The following ANKRD11 variants were observed in gnomAD, a reference collection of about 807,000 sequenced individuals.
The protein encoded by ANKRD11 is ankyrin repeat domain-containing protein 11.
Under a neutral mutation model 195.7 loss-of-function variants are expected in ANKRD11, and 17 were observed. That is an observed-to-expected ratio of 0.09 (90% confidence interval 0.06 to 0.13). The LOEUF (loss-of-function observed/expected upper bound fraction) is 0.13, where lower values mean the gene tolerates loss of function less well. Ranked by LOEUF, ANKRD11 falls within the 10% of genes least tolerant of loss-of-function variation. The pLI is 1.00. For missense variants in ANKRD11, 3,735 were observed against 3,566.1 expected (o/e 1.05, Z -1.21); for synonymous variants, 1,953 against 1,528.1 (o/e 1.28, Z -6.49).
chr16:89,401,711 C>T (rs928773952), intron 2 of ANKRD11, among the ~76,000 whole-genome samples: 1 of 152,102 alleles, frequency 6.6e-6, no homozygotes, highest in East Asian at 1.9e-4. Context: ...CAGGTGAGAT[C>T]GCTAGGGTGG....
At chr16:89,474,883 T>G (rs929060842) in intron 1 of ANKRD11, among the ~76,000 whole-genome samples, 2 of 152,248 alleles carry the variant, frequency 1.3e-5, no homozygotes, top group African/African-American at 4.8e-5. Context: ...AAAATGTAAG[T>G]TAAATCTTCA....
chr16:89,286,220 T>C (rs928615489), intron 7 of ANKRD11, 34 bp from the exon 8 acceptor site: 14 of 1,608,566 alleles, frequency 8.7e-6, no homozygotes, highest in Non-Finnish European at 8.5e-6. Flanking sequence ...CAGGGACTGC[T>C]GGAGAAGCAC....
intron 2 of ANKRD11, among the ~76,000 whole-genome samples, chr16:89,339,455 G>A (rs2038549622): frequency 6.6e-6 from 1 of 152,302 alleles, no homozygotes; most frequent in East Asian, 1.9e-4. Context: ...ATGGTCCGAG[G>A]AGCCCATCCT....
intron 4 of ANKRD11, among the ~76,000 whole-genome samples, chr16:89,294,901 G>A (rs1053369659): frequency 9.2e-5 from 14 of 152,222 alleles, no homozygotes; most frequent in African/African-American, 2.2e-4. Context: ...CAGGAGGCGC[G>A]GGGTGTTGTC....
intron 1 of ANKRD11, chr16:89,488,935 T>C (rs1597575117): frequency 6.6e-6 from 1 of 152,286 alleles, no homozygotes; most frequent in Middle Eastern, 3.4e-3. Context: ...CTAAGCATGT[T>C]ACATAGAAGG....
chr16:89,300,345 C>G (rs1448905041), intron 4 of ANKRD11: 1 of 206,026 alleles, frequency 4.9e-6, no homozygotes, highest in African/African-American at 2.4e-5. Context: ...GCCTTGGGAC[C>G]CTCGTCAACA....
intron 4 of ANKRD11, among the ~76,000 whole-genome samples, chr16:89,293,287 T>A (rs957877513): frequency 3.3e-5 from 5 of 152,054 alleles, no homozygotes; most frequent in Non-Finnish European, 7.4e-5. Flanking sequence ...AGGAGACTCC[T>A]GGGAGCAGAC....
At chr16:89,366,129 CAAAAAAAAAA>C (rs71387689) in intron 2 of ANKRD11, among the ~76,000 whole-genome samples, 5 of 60,456 alleles carry the variant, frequency 8.3e-5, no homozygotes, top group African/African-American at 3.1e-4. Context: ...GACTCCATCT[CAAAAAAAAAA>C]AAAAAAAAAA....
chr16:89,283,059 G>A lies in ANKRD11; in HGVS notation c.3483C>T (p.Ser1161=), dbSNP rs150642594. ...EKEEGREAYA[S]DRHRKSSDKQ... ...TGTCAGAAGACTTCCTGTGTCTGTC[G>A]GAGGCATAGGCCTCCCGTCCTTCCT... Residue 1161 remains serine (S), a synonymous_variant, in exon 9 of 13, where the codon TCC becomes TCT. Coordinates refer to ENST00000301030, the MANE Select transcript of ANKRD11 (RefSeq NM_013275.6). The surrounding 1 kb of genome is among the most constrained non-coding windows in gnomAD (Gnocchi z 4.3). The A allele has an allele frequency of 6.3e-4, 1,017 of 1,613,750 alleles. 3 individuals are homozygous for A. The African/African-American group carries it at 0.012, about 19-fold the overall frequency.
Position 89,285,225 on chromosome 16 carries a change from T to C in ANKRD11, c.1317A>G (p.Thr439=). ...GCTGCTTGGCATTAGAAGGCTCTCG[T>C]GTCTTACTACCAGGCAATATCGTAT... ...SAHTILPGSK[T]REPSNAKQQK... is the part of the protein sequence containing the mutation. Residue 439 remains threonine (T), a synonymous_variant, in exon 9 of 13, where the codon ACA becomes ACG. Transcript: ENST00000301030. The surrounding 1 kb of genome is among the most constrained non-coding windows in gnomAD (Gnocchi z 5.6). 6.2e-7 allele frequency: 1 copy of C among 1,613,876 alleles called. No individual in the cohort carries two copies. Among genetic ancestry groups the C allele is most frequent in the Non-Finnish European group, 8.5e-7 (1 of 1,180,040 alleles).
At chr16:89,369,937 C>CG (rs1023942796) in intron 2 of ANKRD11, among the ~76,000 whole-genome samples, 5 of 152,178 alleles carry the variant, frequency 3.3e-5, no homozygotes, top group East Asian at 1.9e-4. Flanking sequence ...AAACCAAACA[C>CG]GGGGGGCCCA....
At chr16:89,382,756 A>C (rs1053922426) in intron 2 of ANKRD11, among the ~76,000 whole-genome samples, 2 of 152,244 alleles carry the variant, frequency 1.3e-5, no homozygotes, top group African/African-American at 4.8e-5. Context: ...CTGAGATTAT[A>C]GGTGTGAGTC....
intron 2 of ANKRD11, among the ~76,000 whole-genome samples, chr16:89,415,821 C>T (rs1326679680): frequency 4.3e-5 from 2 of 46,128 alleles, no homozygotes; most frequent in African/African-American, 8.4e-5. Context: ...CAAAGCTAGA[C>T]TCTGTCTCAA....
In ANKRD11 at chr16:89,484,055, G is replaced by A. The variant is rs570532866; in HGVS notation, c.-145+6190C>T. On this transcript the variant is annotated intron_variant, in intron 1 of 12. Coordinates refer to ENST00000301030, the MANE Select transcript of ANKRD11 (RefSeq NM_013275.6). ...TGGAATACTAACACTACAAGCTCTC[G>A]AGACGCTCTTCGGCTGCCTGAAAGC... 3.9e-5 allele frequency among the ~76,000 whole-genome samples: 6 copies of A among 152,182 alleles called. No individual in the cohort carries two copies. In the East Asian group the frequency reaches 5.8e-4, roughly 15 times the overall value.
chr16:89,295,985 C>CTGTTTTTTTTT (rs2035405652), intron 4 of ANKRD11, among the ~76,000 whole-genome samples: 1 of 45,142 alleles, frequency 2.2e-5, no homozygotes, highest in Admixed American at 3.4e-4. Flanking sequence ...ATCTGGCTGC[C>CTGTTTTTTTTT]TTTTTTTTTT....
intron 2 of ANKRD11, among the ~76,000 whole-genome samples, chr16:89,363,007 T>C (rs2911247): frequency 0.012 from 1,724 of 148,444 alleles, 51 homozygotes; most frequent in African/African-American, 0.044. Context: ...TGGTCTCCTT[T>C]ATCCGGTGTA....
intron 2 of ANKRD11, among the ~76,000 whole-genome samples, chr16:89,385,511 C>T (rs537944578): frequency 6.6e-6 from 1 of 152,126 alleles, no homozygotes; most frequent in Non-Finnish European, 1.5e-5. Context: ...CCAGAGACAC[C>T]GAGACCCTGT....
intron 1 of ANKRD11, among the ~76,000 whole-genome samples, chr16:89,466,498 A>T (rs1394724018): frequency 2.0e-5 from 3 of 152,166 alleles, no homozygotes; most frequent in Admixed American, 1.3e-4. Context: ...TGTGAACCAG[A>T]TCTCGTTCAT....
Position 89,451,410 on chromosome 16 carries a change from AC to A in ANKRD11, c.-144-33043del, listed in dbSNP as rs1249813699. The stretch of plus-strand genomic sequence containing the variant: ...GATTATGGTGATGATTTCACAAATT[AC>A]TTTTTTTTTTTTTTTTTTGAGACGA... On this transcript the variant is annotated intron_variant, in intron 1 of 12. Transcript: ENST00000301030. 3.5e-5 allele frequency among the ~76,000 whole-genome samples: 3 copies of A among 86,500 alleles called. No individual in the cohort carries two copies. In the Admixed American group the frequency reaches 3.7e-4, roughly 11 times the overall value. 56.7% of individuals were successfully genotyped at this position (86,500 alleles called of 152,430 possible).
Sources: gnomAD v4.1 joint callset for allele counts (sites outside exome capture counted in the v4.1 genomes callset) on GRCh38, gnomAD v4.1.1 for gene constraint, Gnocchi (gnomAD v3.1) non-coding constraint, MANE v1.5 for transcripts, NCBI Gene and HGNC (gene_info 2026-07-23, HGNC 2026-07-21) for gene names.